Variants in CNMD observed in about 807,000 individuals in gnomAD.
CNMD encodes chondromodulin.
A neutral mutation model predicts 37.5 loss-of-function variants in CNMD; 30 were observed. That is an observed-to-expected ratio of 0.80 (90% CI 0.60 to 1.09). The LOEUF (loss-of-function observed/expected upper bound fraction) is 1.09. CNMD is among the 50% of genes least tolerant of loss of function. CNMD has a pLI of 0.00. For missense variants in CNMD, 398 were observed against 423.9 expected (o/e 0.94, Z 0.54); for synonymous variants, 167 against 148.2 (o/e 1.13, Z -0.92).
chr13:52,729,044 G>A lies in CNMD; in HGVS notation c.354+4175C>T, dbSNP rs145898962. On this transcript the variant is annotated intron_variant, in intron 3 of 6. Coordinates refer to ENST00000377962, the MANE Select transcript of CNMD (RefSeq NM_007015.3). ...AGAAATTTGCTAGCAAGGGTGATGA[G>A]TGGAGAGTCCAAGAATCTAACATTC... Among the ~76,000 whole-genome samples the A allele has an allele frequency of 5.2e-4, 79 of 152,324 alleles. 2 individuals carry two copies. In the East Asian group the frequency reaches 0.012, roughly 24 times the overall value.
intron 4 of CNMD, among the ~76,000 whole-genome samples, chr13:52,719,671 T>C (rs891982332): frequency 1.3e-5 from 2 of 152,228 alleles, no homozygotes; most frequent in African/African-American, 4.8e-5. Context: ...TCTTTTGGCT[T>C]GTAGGGATTC....
chr13:52,738,946 C>G, intron 2 of CNMD, 85 bp downstream of exon 2: 8 of 1,275,348 alleles, frequency 6.3e-6, no homozygotes, highest in Non-Finnish European at 8.0e-6. Context: ...GGCAGCCGCG[C>G]GCCCCTCGCC....
At chr13:52,720,650 A>G (rs1964466656) in intron 4 of CNMD, among the ~76,000 whole-genome samples, 1 of 152,134 alleles carries the variant, frequency 6.6e-6, no homozygotes, top group South Asian at 2.1e-4. Flanking sequence ...AACAGCAAAA[A>G]TTGCTGTCTG....
At chr13:52,717,042 TCTC>T (rs1378347014) in intron 4 of CNMD, among the ~76,000 whole-genome samples, 2 of 152,172 alleles carry the variant, frequency 1.3e-5, no homozygotes, top group East Asian at 3.8e-4. Context: ...GGTTTGTAGT[TCTC>T]CTTGAAGAGG....
intron 2 of CNMD, among the ~76,000 whole-genome samples, chr13:52,734,479 C>A (rs1185250310): frequency 6.6e-6 from 1 of 152,156 alleles, no homozygotes; most frequent in Non-Finnish European, 1.5e-5. Flanking sequence ...CTGATTACTG[C>A]ACTGGTTTCA....
chr13:52,723,913 A>C (rs948346436), intron 4 of CNMD, 84 bp downstream of exon 4: 6 of 868,146 alleles, frequency 6.9e-6, no homozygotes, highest in Non-Finnish European at 1.1e-5. Flanking sequence ...TAAAAATAAA[A>C]ACAAAAAATA....
At chr13:52,723,541 C>T (rs1239523331) in intron 4 of CNMD, among the ~76,000 whole-genome samples, 1 of 152,148 alleles carries the variant, frequency 6.6e-6, no homozygotes, top group Non-Finnish European at 1.5e-5. Context: ...TCCCTTGACC[C>T]CAGTAGGACA....
intron 4 of CNMD, among the ~76,000 whole-genome samples, chr13:52,718,338 C>T (rs961098362): frequency 6.6e-6 from 1 of 152,124 alleles, no homozygotes; most frequent in Admixed American, 6.5e-5. Context: ...GTCTCTATCT[C>T]CTTCAGTTCT....
intron 4 of CNMD, among the ~76,000 whole-genome samples, chr13:52,716,356 G>T (rs1023280317): frequency 6.6e-6 from 1 of 152,128 alleles, no homozygotes; most frequent in African/African-American, 2.4e-5. Flanking sequence ...AATTTAATTA[G>T]ATCTCATTTG....
At chr13:52,721,015 T>C (rs910317110) in intron 4 of CNMD, among the ~76,000 whole-genome samples, 3 of 152,198 alleles carry the variant, frequency 2.0e-5, no homozygotes, top group Non-Finnish European at 4.4e-5. Flanking sequence ...AGGAGGAATC[T>C]AGAGAGGCAG....
chr13:52,705,227 T>G (rs1309409672), intron 6 of CNMD, among the ~76,000 whole-genome samples: 2 of 152,156 alleles, frequency 1.3e-5, no homozygotes, highest in Admixed American at 1.3e-4. Flanking sequence ...AAAGCAAAAC[T>G]AGTATTTTAA....
chr13:52,705,472 TCTTTAC>T (rs1294232481), intron 6 of CNMD, among the ~76,000 whole-genome samples: 1 of 152,242 alleles, frequency 6.6e-6, no homozygotes, highest in African/African-American at 2.4e-5. Flanking sequence ...CTCACTCTGT[TCTTTAC>T]CTTATTTCTT....
chr13:52,736,839 A>G (rs1964775806), intron 2 of CNMD, among the ~76,000 whole-genome samples: 1 of 152,190 alleles, frequency 6.6e-6, no homozygotes, highest in South Asian at 2.1e-4. Context: ...CTCATCTCAC[A>G]GGGTGGGGTT....
intron 3 of CNMD, among the ~76,000 whole-genome samples, chr13:52,725,638 A>G (rs934501178): frequency 1.2e-4 from 18 of 152,180 alleles, no homozygotes; most frequent in Admixed American, 7.9e-4. Flanking sequence ...GGACTAGTGA[A>G]TCTAAAATAA....
intron 3 of CNMD, among the ~76,000 whole-genome samples, chr13:52,730,628 G>A (rs1160243554): frequency 1.3e-5 from 2 of 152,122 alleles, no homozygotes; most frequent in Non-Finnish European, 2.9e-5. Context: ...CTTCTTTTGG[G>A]AAGTGTCTGT....
At chr13:52,725,684 C>G (rs1158804784) in intron 3 of CNMD, among the ~76,000 whole-genome samples, 1 of 152,146 alleles carries the variant, frequency 6.6e-6, no homozygotes, top group Non-Finnish European at 1.5e-5. Context: ...AATGGAGATA[C>G]TAGCACAAAT....
chr13:52,723,970 C>T (rs1259592987), intron 4 of CNMD, 27 bp downstream of exon 4: 3 of 1,378,700 alleles, frequency 2.2e-6, no homozygotes, highest in Admixed American at 3.4e-5. Context: ...CAAGCAGTCT[C>T]ACTGTCTCAG....
At chr13:52,728,735 A>G (rs946036375) in intron 3 of CNMD, among the ~76,000 whole-genome samples, 1 of 152,146 alleles carries the variant, frequency 6.6e-6, no homozygotes, top group Non-Finnish European at 1.5e-5. Flanking sequence ...CCATATCCCC[A>G]AAGGGGAAAG....
chr13:52,703,740 C>A lies in CNMD; in HGVS notation c.860G>T (p.Arg287Met). 1 of 1,614,188 alleles carries A rather than the reference C, an allele frequency of 6.2e-7. No individual in the cohort carries two copies. The highest frequency in any genetic ancestry group is 8.5e-7 in the Non-Finnish European group (1 of 1,180,018). Reference protein sequence around the residue: ...DHEGICCIECRRSYTHCQKIC... With the variant: ...DHEGICCIECMRSYTHCQKIC... ...CTTCTGGCAGTGGGTGTAGCTCCGC[C>A]TACATTCTATACAACAGATTCCTTC... The change falls in exon 7 of 7, where the codon AGG (arginine) becomes ATG (methionine). Residue 287 changes from arginine (R) to methionine (M), a missense_variant. Physicochemically the swap from Arg to Met is moderately conservative, Grantham distance 91 (BLOSUM62 -1). Transcript: ENST00000377962.
Sources: allele counts gnomAD v4.1 joint callset (sites outside exome capture counted in the v4.1 genomes callset), GRCh38; gene constraint gnomAD v4.1.1; transcripts MANE v1.5; gene names NCBI Gene and HGNC (gene_info 2026-07-23, HGNC 2026-07-21).